The following THSD7B variants were observed in gnomAD, a reference collection of about 807,000 sequenced individuals.
THSD7B encodes thrombospondin type-1 domain-containing protein 7B.
THSD7B carries 138 observed loss-of-function variants against 213.6 expected under a neutral mutation model. The observed-to-expected ratio is 0.65, with a 90% CI of 0.56 to 0.74. The LOEUF (loss-of-function observed/expected upper bound fraction) is 0.74, where lower values mean the gene tolerates loss of function less well. Ranked by LOEUF, THSD7B falls within the 30% of genes least tolerant of loss-of-function variation. The pLI, the probability that THSD7B is intolerant of heterozygous loss-of-function variation, is 0.00. For missense variants in THSD7B, 1,931 were observed against 1,991.5 expected (o/e 0.97, Z 0.58); for synonymous variants, 742 against 687.0 (o/e 1.08, Z -1.25).
chr2:137,106,122 A>G (rs1302363607), intron 4 of THSD7B, among the ~76,000 whole-genome samples: 1 of 152,208 alleles, frequency 6.6e-6, no homozygotes, highest in Non-Finnish European at 1.5e-5. Flanking sequence ...AGCTGGAGGA[A>G]TCACGCTACC....
chr2:137,213,860 C>T (rs1359246613), intron 7 of THSD7B, among the ~76,000 whole-genome samples: 4 of 152,058 alleles, frequency 2.6e-5, no homozygotes, highest in Non-Finnish European at 5.9e-5. Flanking sequence ...TAACACTGAG[C>T]TATCAGGATC....
intron 2 of THSD7B, among the ~76,000 whole-genome samples, chr2:136,929,554 C>A (rs1260630693): frequency 6.6e-6 from 1 of 152,188 alleles, no homozygotes; most frequent in Non-Finnish European, 1.5e-5. Context: ...AGAAGCCACT[C>A]AGGAAATTTT....
intron 15 of THSD7B, among the ~76,000 whole-genome samples, chr2:137,461,382 C>G (rs1001454728): frequency 7.2e-5 from 11 of 152,024 alleles, no homozygotes; most frequent in Non-Finnish European, 1.3e-4. Flanking sequence ...ACCTGACACC[C>G]TGAAAAATAA....
chr2:136,783,366 C>A (rs1681779183), intron 1 of THSD7B, among the ~76,000 whole-genome samples: 1 of 152,084 alleles, frequency 6.6e-6, no homozygotes, highest in Non-Finnish European at 1.5e-5. Flanking sequence ...AGCTGGGAAA[C>A]AGAGTACATG....
At chr2:137,610,216 T>C (rs558906926) in intron 17 of THSD7B, among the ~76,000 whole-genome samples, 21 of 152,108 alleles carry the variant, frequency 1.4e-4, no homozygotes, top group Non-Finnish European at 8.8e-5. Context: ...TTCTTTTGTC[T>C]TTTTTTACCC....
intron 3 of THSD7B, among the ~76,000 whole-genome samples, chr2:137,086,375 A>T (rs1687842256): frequency 6.6e-6 from 1 of 151,952 alleles, no homozygotes; most frequent in African/African-American, 2.4e-5. Flanking sequence ...AAAAAAAAAA[A>T]TCTTGTAGCT....
At chr2:137,341,322 C>T (rs1228619637) in intron 12 of THSD7B, among the ~76,000 whole-genome samples, 1 of 151,144 alleles carries the variant, frequency 6.6e-6, no homozygotes, top group East Asian at 1.9e-4. Context: ...GTTTGAGCTC[C>T]TTATATATAT....
At chr2:137,287,745 T>G (rs1007296525) in intron 12 of THSD7B, among the ~76,000 whole-genome samples, 18 of 151,952 alleles carry the variant, frequency 1.2e-4, no homozygotes, top group African/African-American at 4.1e-4. Context: ...GATATTTCAT[T>G]GATAAAATTG....
chr2:137,458,798 G>A (rs1335394020), intron 15 of THSD7B, among the ~76,000 whole-genome samples: 1 of 151,988 alleles, frequency 6.6e-6, no homozygotes, highest in South Asian at 2.1e-4. Context: ...TTATCTTCTT[G>A]TAAAGTGCTT....
At chr2:137,068,179 C>T (rs1335820427) in intron 3 of THSD7B, among the ~76,000 whole-genome samples, 1 of 151,982 alleles carries the variant, frequency 6.6e-6, no homozygotes, top group African/African-American at 2.4e-5. Flanking sequence ...GATTGTTTAG[C>T]TTTTTTCTTA....
chr2:137,175,606 G>T (rs548678894), intron 7 of THSD7B, among the ~76,000 whole-genome samples: 42 of 152,240 alleles, frequency 2.8e-4, no homozygotes, highest in African/African-American at 7.9e-4. Context: ...TTTTCTAGGG[G>T]TCTTTGCCTT....
At chr2:136,907,816 A>G (rs142940165) in intron 2 of THSD7B, among the ~76,000 whole-genome samples, 4 of 152,286 alleles carry the variant, frequency 2.6e-5, no homozygotes, top group Non-Finnish European at 4.4e-5. Context: ...AAAGATTTCA[A>G]TTTAGAGGTT....
At chr2:137,664,049 C>T (rs1467101019) in intron 26 of THSD7B, among the ~76,000 whole-genome samples, 7 of 152,142 alleles carry the variant, frequency 4.6e-5, no homozygotes, top group South Asian at 2.1e-4. Context: ...AGATGAGTTT[C>T]GCCATGTTGG....
chr2:137,237,100 A>G (rs538908779), intron 9 of THSD7B, among the ~76,000 whole-genome samples: 13 of 138,170 alleles, frequency 9.4e-5, no homozygotes, highest in African/African-American at 3.5e-4. Context: ...GCAATAAGAG[A>G]GAAACTCCGT....
chr2:137,311,504 T>A (rs1398281025), intron 12 of THSD7B, among the ~76,000 whole-genome samples: 1 of 152,068 alleles, frequency 6.6e-6, no homozygotes, highest in African/African-American at 2.4e-5. Context: ...TATTTCCTTC[T>A]CCTCCCTAAT....
intron 20 of THSD7B, among the ~76,000 whole-genome samples, chr2:137,637,147 A>G (rs906718560): frequency 1.3e-5 from 2 of 152,206 alleles, no homozygotes; most frequent in African/African-American, 4.8e-5. Context: ...TCTTGATAGA[A>G]TAATTATTGC....
chr2:137,022,105 G>GT, intron 2 of THSD7B, among the ~76,000 whole-genome samples: 1 of 152,172 alleles, frequency 6.6e-6, no homozygotes, highest in Non-Finnish European at 1.5e-5. Context: ...AGACATCTGT[G>GT]TTTTTTTCCA....
intron 4 of THSD7B, among the ~76,000 whole-genome samples, chr2:137,102,023 A>C (rs1185665164): frequency 6.6e-6 from 1 of 152,216 alleles, no homozygotes; most frequent in South Asian, 2.1e-4. Flanking sequence ...ACCTCCCAGC[A>C]CAGCACTCAA....
chr2:137,396,459 T>C (rs1463651928), intron 12 of THSD7B, among the ~76,000 whole-genome samples: 2 of 148,504 alleles, frequency 1.3e-5, no homozygotes, highest in Admixed American at 6.7e-5. Context: ...TCAGTTTCCA[T>C]GTAGTTGAGC....
Sources: gnomAD v4.1 joint callset for allele counts (sites outside exome capture counted in the v4.1 genomes callset) on GRCh38, gnomAD v4.1.1 for gene constraint, MANE v1.5 for transcripts, NCBI Gene and HGNC (gene_info 2026-07-23, HGNC 2026-07-21) for gene names.